The following SPTBN2 variants were observed in gnomAD, a reference collection of about 807,000 sequenced individuals.
SPTBN2 encodes spectrin beta, non-erythrocytic 2.
A neutral mutation model predicts 284.2 loss-of-function variants in SPTBN2; 107 were observed. That is an observed-to-expected ratio of 0.38 (90% CI 0.32 to 0.44). The LOEUF (loss-of-function observed/expected upper bound fraction) is 0.44, where lower values mean the gene tolerates loss of function less well. SPTBN2 is among the 20% of genes least tolerant of loss of function. The probability of loss-of-function intolerance (pLI) is 1.00; values close to 1 mark genes in which losing one functional copy is unlikely to be tolerated. For missense variants in SPTBN2, 2,569 were observed against 3,287.1 expected, an observed-to-expected ratio of 0.78 and a Z score of 5.34; for synonymous variants, 1,289 against 1,354.8, an observed-to-expected ratio of 0.95 and a Z score of 1.07.
In SPTBN2 at chr11:66,700,881, C is replaced by T; in HGVS notation, c.3218G>A (p.Ser1073Asn). The change falls in exon 17 of 38, where the codon AGC (serine) becomes AAC (asparagine). Residue 1073 changes from serine to asparagine, a missense_variant. Ser to Asn is a conservative substitution (Grantham distance 46). Transcript: ENST00000533211. This position sits in a 1 kb window ranked among gnomAD's most constrained non-coding sequence, Gnocchi z 6.6. Reference sequence around the variant, plus strand: ...TAGCCAGGCCTGGAAGTCATCCAAGCTGCGCAAGAAGTCCTGCAGCCGCCG... The same window carrying T: ...TAGCCAGGCCTGGAAGTCATCCAAGTTGCGCAAGAAGTCCTGCAGCCGCCG... Reference protein sequence around the residue: ...EARRLQDFLRSLDDFQAWLGR... With the variant: ...EARRLQDFLRNLDDFQAWLGR... 1 of 1,600,166 alleles carries T rather than the reference C, an allele frequency of 6.2e-7. No individual in the cohort carries two copies. The highest frequency in any genetic ancestry group is 8.5e-7 in the Non-Finnish European group (1 of 1,179,822).
At chr11:66,714,196 G>C in intron 6 of SPTBN2, 25 bp from the exon 7 acceptor site, 11 of 1,612,852 alleles carry the variant, frequency 6.8e-6, no homozygotes, top group Non-Finnish European at 9.3e-6. Context: ...TCAGAAAATG[G>C]TGAGTAGGGC....
chr11:66,716,592 C>T lies in SPTBN2; in HGVS notation c.158-611G>A, dbSNP rs1054259479. ...CAGGGAGGGGCTGGGATGGGGCAGT[C>T]GTGGAAGCAGTGGAATGCTGGTCAA... On this transcript the variant is annotated intron_variant, in intron 3 of 37. Coordinates refer to ENST00000533211, the MANE Select transcript of SPTBN2 (RefSeq NM_006946.4). 3.3e-5 allele frequency among the ~76,000 whole-genome samples: 5 copies of T among 152,108 alleles called. No homozygotes were observed. The East Asian group carries it at 7.7e-4, about 23-fold the overall frequency.
chr11:66,692,053 C>T lies in SPTBN2; in HGVS notation c.5191-395G>A, dbSNP rs1052811032. Among the ~76,000 whole-genome samples, 7 of 152,118 alleles carry T rather than the reference C, an allele frequency of 4.6e-5. No individual in the cohort carries two copies. The East Asian group carries it at 1.2e-3, about 25-fold the overall frequency. On this transcript the variant is annotated intron_variant, in intron 26 of 37. Transcript: ENST00000533211. The stretch of plus-strand genomic sequence containing the variant: ...GTTTGCCCTTGTCTCAGCTCAGCTT[C>T]ATGTCCCCTTTCTGTACAATTCTTC...
At position 66,687,023 on chromosome 11, in the gene SPTBN2, G is replaced by C. The variant is rs1332742631; in HGVS notation, c.6867C>G (p.Tyr2289Ter). The C allele has an allele frequency of 6.2e-7, 1 of 1,613,918 alleles. No homozygotes were observed. The highest frequency in any genetic ancestry group is 1.3e-5 in the African/African-American group (1 of 74,920). Residue 2289 changes from tyrosine (Y) to a stop codon, truncating the protein, a stop_gained, in exon 36 of 38, where the codon TAC becomes TAG. Transcript: ENST00000533211. LOFTEE classifies it high-confidence loss of function. This position sits in a 1 kb window ranked among gnomAD's most constrained non-coding sequence, Gnocchi z 5.2. Reference protein sequence around the residue: ...ARAQGSVAFDYRKRKHVFKLG... With the variant: ...ARAQGSVAFD ...GCTTGAAGACATGTTTGCGCTTTCG[G>C]TAATCAAAGGCGACGCTGCCCTGGG... is the stretch of plus-strand genomic sequence containing the variant.
chr11:66,705,312 G>C lies in SPTBN2; in HGVS notation c.1964C>G (p.Ala655Gly), dbSNP rs1221391241. ...RFLWEVGEAE[A>G]WVREQQHLLA... ...GAGGTGCTGCTGCTCCCGCACCCAG[G>C]CCTCAGCTTCACCCACCTCCCAGAG... is the stretch of plus-strand genomic sequence containing the variant. Residue 655 changes from alanine (A) to glycine (G), a missense_variant, in exon 15 of 38, where the codon GCC becomes GGC. Physicochemically the swap from Ala to Gly is moderately conservative, Grantham distance 60 (BLOSUM62 0). Transcript: ENST00000533211. 3 of 1,607,468 alleles carry C rather than the reference G, an allele frequency of 1.9e-6. No individual in the cohort carries two copies. The African/African-American group carries it at 4.0e-5, about 21-fold the overall frequency.
At chr11:66,731,496 C>T (rs141226153), upstream of SPTBN2, among the ~76,000 whole-genome samples, 2,332 of 152,304 alleles carry the variant, frequency 0.015, 38 homozygotes, top group Middle Eastern at 0.031. Flanking sequence ...GCCGAATTCT[C>T]AGTTCTTGTT....
Position 66,693,042 on chromosome 11 carries a change from G to T in SPTBN2, c.4913C>A (p.Ala1638Asp), listed in dbSNP as rs1210567179. Reference sequence around the variant, plus strand: ...CTGGTGGATGGTCTGCGCGTAGTCGGCCAGGGCTTGCTCCAGCACCTGGTG... The same window carrying T: ...CTGGTGGATGGTCTGCGCGTAGTCGTCCAGGGCTTGCTCCAGCACCTGGTG... ...KKHQVLEQAL[A>D]DYAQTIHQLA... Residue 1638 changes from alanine to aspartate, a missense_variant, in exon 25 of 38, where the codon GCC (alanine) becomes GAC (aspartate). Coordinates refer to ENST00000533211, the MANE Select transcript of SPTBN2 (RefSeq NM_006946.4). The surrounding 1 kb of genome is among the most constrained non-coding windows in gnomAD (Gnocchi z 5.7). 1.2e-6 allele frequency: 2 copies of T among 1,613,610 alleles called. No homozygotes were observed.
intron 27 of SPTBN2, among the ~76,000 whole-genome samples, chr11:66,690,999 T>A (rs2135337295): frequency 6.6e-6 from 1 of 152,310 alleles, no homozygotes; most frequent in South Asian, 2.1e-4. Context: ...GTATTTTTAG[T>A]AGAGAAGGGG....
chr11:66,742,302 C>T (rs1035695314), intron 1 of SPTBN2, among the ~76,000 whole-genome samples: 4 of 152,302 alleles, frequency 2.6e-5, no homozygotes, highest in Middle Eastern at 3.4e-3. Context: ...TGCCTGAATA[C>T]GTGGGTTTAC....
In SPTBN2 at chr11:66,683,696, A is replaced by T. The variant is rs749456668; in HGVS notation, c.*2175T>A. ...CAGGACTGCTTCAATTGGCTGTCCTATTTACACTTACGTGTCGTGTTAAAA... is the reference window on the plus strand; with the variant it reads ...CAGGACTGCTTCAATTGGCTGTCCTTTTTACACTTACGTGTCGTGTTAAAA... On this transcript the variant is annotated 3_prime_UTR_variant, in exon 38 of 38. Coordinates refer to ENST00000533211, the MANE Select transcript of SPTBN2 (RefSeq NM_006946.4). Among the ~76,000 whole-genome samples, 12 of 152,340 alleles carry T rather than the reference A, an allele frequency of 7.9e-5. No individual in the cohort carries two copies. The highest frequency in any genetic ancestry group is 1.3e-4 in the Non-Finnish European group (9 of 68,040).
chr11:66,701,740 C>T lies in SPTBN2; in HGVS notation c.2679-19G>A. 1.2e-6 allele frequency: 2 copies of T among 1,614,062 alleles called. No homozygotes were observed. The highest frequency in any genetic ancestry group is 2.2e-5 in the South Asian group (2 of 91,084). ...CTCGAACCTGAGAGGGTGGAAGAGC[C>T]AGGCGTGAATTGTGGGAGGCAGCGA... is the stretch of plus-strand genomic sequence containing the variant. On this transcript the variant is annotated intron_variant, in intron 15 of 37. Coordinates refer to ENST00000533211, the MANE Select transcript of SPTBN2 (RefSeq NM_006946.4).
In SPTBN2 at chr11:66,696,456, C is replaced by T. The variant is rs746597130; in HGVS notation, c.4099G>A (p.Glu1367Lys). Residue 1367 changes from glutamate to lysine, a missense_variant, in exon 21 of 38, where the codon GAG becomes AAG. Coordinates refer to ENST00000533211, the MANE Select transcript of SPTBN2 (RefSeq NM_006946.4). The part of the protein sequence containing the change: ...KLRDLHRRWD[E>K]LETTTQAKAR... Reference sequence around the variant, plus strand: ...TTGGCTTGGGTGGTGGTCTCCAGCTCGTCCCAGCGCCTGTGCAGGTCTCTC... The same window carrying T: ...TTGGCTTGGGTGGTGGTCTCCAGCTTGTCCCAGCGCCTGTGCAGGTCTCTC... The T allele has an allele frequency of 1.2e-5, 20 of 1,612,626 alleles. No individual in the cohort carries two copies. The highest frequency in any genetic ancestry group is 2.2e-5 in the East Asian group (1 of 44,890).
chr11:66,702,960 A>C (rs899597671), intron 15 of SPTBN2, among the ~76,000 whole-genome samples: 165 of 149,718 alleles, frequency 1.1e-3, no homozygotes, highest in African/African-American at 3.6e-3. Context: ...AAAAAAAAAA[A>C]CCAAAAAAAA....
intron 13 of SPTBN2, among the ~76,000 whole-genome samples, chr11:66,706,476 G>A (rs1941565085): frequency 6.6e-6 from 1 of 151,702 alleles, no homozygotes; most frequent in South Asian, 2.1e-4. Context: ...GATTACAGGC[G>A]TGTGCCACCA....
chr11:66,693,846 G>A lies in SPTBN2; in HGVS notation c.4519C>T (p.Arg1507Trp). ...TCCATGGAGCTGGCCATGGGCAGCC[G>A]CTCTGTCACCCACAACTGGAAGAGG... ...VEDEILWVTE[R>W]LPMASSMEHG... The change falls in exon 23 of 38, where the codon CGG (arginine) becomes TGG (tryptophan). Residue 1507 changes from arginine (R) to tryptophan (W), a missense_variant. Arg to Trp is a moderately radical substitution (Grantham distance 101). Around this residue, in one of 6 missense-constraint regions of SPTBN2, gnomAD observed 1,130 missense variants for 1,317.3 expected, o/e 0.86. Coordinates refer to ENST00000533211, the MANE Select transcript of SPTBN2 (RefSeq NM_006946.4). The surrounding 1 kb of genome is among the most constrained non-coding windows in gnomAD (Gnocchi z 5.7). 2 of 1,613,868 alleles carry A rather than the reference G, an allele frequency of 1.2e-6. No homozygotes were observed. The highest frequency in any genetic ancestry group is 1.7e-6 in the Non-Finnish European group (2 of 1,179,898).
At chr11:66,696,630 G>T (rs904251409) in intron 20 of SPTBN2, 90 bp from the exon 21 acceptor site, 1 of 1,541,906 alleles carries the variant, frequency 6.5e-7, no homozygotes, top group Non-Finnish European at 8.9e-7. Context: ...GGGCAGTAGA[G>T]ACCTGAAGTG....
Position 66,707,967 on chromosome 11 carries a change from C to T in SPTBN2, c.1351-149G>A, listed in dbSNP as rs1379752387. The stretch of plus-strand genomic sequence containing the variant: ...TCTATCCCACCCCCATCCTGTCTCA[C>T]CAACCCTCTCTCCTGTCCCACCCTC... On this transcript the variant is annotated intron_variant, in intron 12 of 37. Transcript: ENST00000533211. This position sits in a 1 kb window ranked among gnomAD's most constrained non-coding sequence, Gnocchi z 4.9. 16 of 1,386,060 alleles carry T rather than the reference C, an allele frequency of 1.2e-5. No homozygotes were observed. The highest frequency in any genetic ancestry group is 2.9e-5 in the African/African-American group (2 of 69,968). The allele number at this position is 1,386,060 out of a possible 1,614,324, so 85.9% of individuals were successfully genotyped here.
intron 16 of SPTBN2, 134 bp from the exon 17 acceptor site, chr11:66,701,416 AC>A (rs1458058151): frequency 6.1e-6 from 9 of 1,480,926 alleles, no homozygotes; most frequent in Non-Finnish European, 8.3e-6. Flanking sequence ...GACCACCTTG[AC>A]CCCCTCTCTC....
intron 3 of SPTBN2, among the ~76,000 whole-genome samples, chr11:66,719,557 C>A (rs1443232324): frequency 2.0e-5 from 3 of 152,256 alleles, no homozygotes; most frequent in East Asian, 3.8e-4. Flanking sequence ...CGAGGTCACA[C>A]AGATGTGTGC....
Sources: gnomAD v4.1 joint callset for allele counts (sites outside exome capture counted in the v4.1 genomes callset) on GRCh38, gnomAD v4.1.1 for gene constraint, gnomAD v4.1.1 regional missense constraint, Gnocchi (gnomAD v3.1) non-coding constraint, MANE v1.5 for transcripts, NCBI Gene and HGNC (gene_info 2026-07-23, HGNC 2026-07-21) for gene names.